The following SSH1 variants were observed in gnomAD, a reference collection of about 807,000 sequenced individuals.
SSH1 encodes slingshot protein phosphatase 1, also known as protein phosphatase Slingshot homolog 1.
A neutral mutation model predicts 79.7 loss-of-function variants in SSH1; 43 were observed. That is an observed-to-expected ratio of 0.54 (90% CI 0.42 to 0.70). SSH1 has a LOEUF of 0.70. Among genes scored for constraint, SSH1 ranks in the 30% least tolerant of loss-of-function variants. The probability of loss-of-function intolerance (pLI) is 0.00; values close to 1 mark genes in which losing one functional copy is unlikely to be tolerated. For synonymous variants in SSH1, 599 were observed against 538.3 expected (o/e 1.11, Z -1.56); for missense variants, 1,206 against 1,358.8 (o/e 0.89, Z 1.77).
Position 108,786,186 on chromosome 12 carries a change from C to G in SSH1, c.*1802G>C, listed in dbSNP as rs999358099. The G allele has an allele frequency of 2.0e-5, 3 of 152,232 alleles. No homozygotes were observed. The highest frequency in any genetic ancestry group is 6.5e-5 in the Admixed American group (1 of 15,270). 9.4% of individuals were successfully genotyped at this position (152,232 alleles called of 1,614,324 possible). A position where few individuals can be genotyped will look rare whatever the true frequency, so the allele number is the denominator to read the frequency against. ...AGATGATGGCTCACTCACTCACTTT[C>G]AGAATTCAGCTGGTCCTTGAAGGCT... is the stretch of plus-strand genomic sequence containing the variant. On this transcript the variant is annotated 3_prime_UTR_variant, in exon 15 of 15. Transcript: ENST00000326495.
In SSH1 at chr12:108,818,317, T is replaced by C. The variant is rs2037983419; in HGVS notation, c.215-4A>G. 1 of 1,613,766 alleles carries C rather than the reference T, an allele frequency of 6.2e-7. No homozygotes were observed. The highest frequency in any genetic ancestry group is 8.5e-7 in the Non-Finnish European group (1 of 1,179,850). On this transcript the variant is annotated splice_region_variant and splice_polypyrimidine_tract_variant and intron_variant, in intron 3 of 14. Transcript: ENST00000326495. ...TGAAGATGTTGAGGCAGATCACCTG[T>C]TGGACCAATAAAGAAAGCTTTAAAA...
rs2037111051 is a variant in SSH1, at chr12:108,803,372, AAAAG to A, written c.955-1008_955-1005del. ...AAGGACATGGAACGGGGGAAAAAAA[AAAAG>A]AAAAGAAAAAATGATCACTTTCCTC... On this transcript the variant is annotated intron_variant, in intron 10 of 14. Transcript: ENST00000326495. Among the ~76,000 whole-genome samples, 4 of 151,886 alleles carry A rather than the reference AAAAG, an allele frequency of 2.6e-5. No homozygotes were observed. The South Asian group carries it at 6.2e-4, about 24-fold the overall frequency.
intron 13 of SSH1, among the ~76,000 whole-genome samples, chr12:108,793,723 A>AT (rs1799912639): frequency 6.6e-6 from 1 of 152,206 alleles, no homozygotes; most frequent in African/African-American, 2.4e-5. Context: ...AATGTAAGGC[A>AT]TAAAAAAAAA....
intron 2 of SSH1, among the ~76,000 whole-genome samples, chr12:108,825,360 G>A (rs908257717): frequency 1.3e-5 from 2 of 152,190 alleles, no homozygotes; most frequent in African/African-American, 4.8e-5. Flanking sequence ...ACTCAGCAAA[G>A]TCTAAAGTAT....
chr12:108,804,188 T>C (rs1237512721), intron 10 of SSH1, among the ~76,000 whole-genome samples: 1 of 152,240 alleles, frequency 6.6e-6, no homozygotes, highest in Non-Finnish European at 1.5e-5. Flanking sequence ...CCTGAGTAGC[T>C]GGGACTACAG....
chr12:108,815,946 A>T (rs1390851875), intron 5 of SSH1, among the ~76,000 whole-genome samples: 1 of 152,204 alleles, frequency 6.6e-6, no homozygotes, highest in Non-Finnish European at 1.5e-5. Flanking sequence ...CTCTCATGGG[A>T]ACAAGACAAG....
intron 2 of SSH1, among the ~76,000 whole-genome samples, chr12:108,846,278 T>C (rs1354867158): frequency 1.3e-5 from 2 of 152,054 alleles, no homozygotes; most frequent in Non-Finnish European, 2.9e-5. Context: ...GTTCCCGCAA[T>C]TGACTTGGAA....
At chr12:108,789,403 G>A (rs927170970) in intron 14 of SSH1, among the ~76,000 whole-genome samples, 159 bp from the exon 15 acceptor site, 2 of 152,110 alleles carry the variant, frequency 1.3e-5, no homozygotes, top group African/African-American at 4.8e-5. Flanking sequence ...AGACCTCCTG[G>A]AGCCCACTTG....
chr12:108,848,621 T>C (rs1223017465), intron 2 of SSH1, among the ~76,000 whole-genome samples: 3 of 152,186 alleles, frequency 2.0e-5, no homozygotes, highest in African/African-American at 7.2e-5. Context: ...TGAGTTTCAG[T>C]CAAAGCTTAA....
At chr12:108,839,229 T>C (rs138132951) in intron 2 of SSH1, among the ~76,000 whole-genome samples, 2 of 152,358 alleles carry the variant, frequency 1.3e-5, no homozygotes, top group African/African-American at 4.8e-5. Context: ...AAGAGGTTCT[T>C]TTCCCTTCCA....
At chr12:108,827,290 C>A in intron 2 of SSH1, 1 of 1,551,162 alleles carries the variant, frequency 6.4e-7, no homozygotes, top group East Asian at 2.4e-5. Context: ...CTCTGGACAG[C>A]AGAAGCAGTG....
intron 2 of SSH1, among the ~76,000 whole-genome samples, chr12:108,824,454 C>CA (rs778260052): frequency 0.071 from 8,056 of 113,540 alleles, 279 homozygotes; most frequent in Non-Finnish European, 0.1. Context: ...GACTGTGTCT[C>CA]AAAAAAAAAA....
intron 14 of SSH1, among the ~76,000 whole-genome samples, chr12:108,789,767 AG>A (rs2036423982): frequency 6.6e-6 from 1 of 152,190 alleles, no homozygotes; most frequent in East Asian, 1.9e-4. Context: ...CAAAGCAGGA[AG>A]GAGGAGGGCA....
intron 10 of SSH1, among the ~76,000 whole-genome samples, chr12:108,803,367 A>T (rs1053565846): frequency 1.3e-5 from 2 of 151,704 alleles, no homozygotes; most frequent in Non-Finnish European, 2.9e-5. Context: ...AACGGGGGAA[A>T]AAAAAAAAGA....
rs370745050 is a variant in SSH1, at chr12:108,819,769, C to T, written c.215-1456G>A. On this transcript the variant is annotated intron_variant, in intron 3 of 14. Coordinates refer to ENST00000326495, the MANE Select transcript of SSH1 (RefSeq NM_018984.4). ...GCTGGAGCCCAGGAGTTTGAGATCA[C>T]CCTGGGCAACACGATAAGACCCTGT... is the stretch of plus-strand genomic sequence containing the variant. 3.3e-5 allele frequency among the ~76,000 whole-genome samples: 5 copies of T among 152,190 alleles called. No homozygotes were observed. The South Asian group carries it at 8.3e-4, about 25-fold the overall frequency.
chr12:108,811,192 C>T, intron 6 of SSH1, 68 bp downstream of exon 6: 1 of 1,442,684 alleles, frequency 6.9e-7, no homozygotes, highest in Non-Finnish European at 9.8e-7. Flanking sequence ...CCAAGGATGC[C>T]TGAACCAGCT....
chr12:108,844,141 C>T (rs1420435429), intron 2 of SSH1, among the ~76,000 whole-genome samples: 3 of 152,080 alleles, frequency 2.0e-5, no homozygotes, highest in East Asian at 1.9e-4. Context: ...AACCACCCTA[C>T]AAGCTGTGTA....
At chr12:108,789,345 G>A (rs528933541) in intron 14 of SSH1, 101 bp from the exon 15 acceptor site, 16 of 1,252,578 alleles carry the variant, frequency 1.3e-5, no homozygotes, top group Non-Finnish European at 1.7e-5. Context: ...GCCGGACTGG[G>A]GGCCAGGCCT....
At chr12:108,813,793 G>C (rs1444172189) in intron 5 of SSH1, among the ~76,000 whole-genome samples, 3 of 148,912 alleles carry the variant, frequency 2.0e-5, no homozygotes, top group Non-Finnish European at 3.0e-5. Context: ...GGGAAGGGAA[G>C]GTGAAAGGGA....
Sources: gnomAD v4.1 joint callset for allele counts (sites outside exome capture counted in the v4.1 genomes callset) on GRCh38, gnomAD v4.1.1 for gene constraint, MANE v1.5 for transcripts, NCBI Gene and HGNC (gene_info 2026-07-23, HGNC 2026-07-21) for gene names.